The following PCNX4 variants were observed in gnomAD, a reference collection of about 807,000 sequenced individuals.
PCNX4 encodes the protein pecanex-like protein 4.
In PCNX4, 103 loss-of-function variants were observed where a neutral mutation model predicts 107.2. That is an observed-to-expected ratio of 0.96 (90% CI 0.82 to 1.13). The LOEUF is 1.13. Ranked by LOEUF, PCNX4 falls within the 50% of genes most tolerant of loss-of-function variation. The pLI is 0.00. For missense variants in PCNX4, 1,528 were observed against 1,379.4 expected, an observed-to-expected ratio of 1.11 and a Z score of -1.71; for synonymous variants, 541 against 481.7, an observed-to-expected ratio of 1.12 and a Z score of -1.61.
At position 60,108,146 on chromosome 14, in the gene PCNX4, A is replaced by G. The variant is rs1156946583; in HGVS notation, c.508A>G (p.Thr170Ala). 7 of 1,612,774 alleles carry G rather than the reference A, an allele frequency of 4.3e-6. No individual in the cohort carries two copies. The highest frequency in any genetic ancestry group is 5.9e-6 in the Non-Finnish European group (7 of 1,179,876). Residue 170 changes from threonine (T) to alanine (A), a missense_variant, in exon 2 of 11, where the codon ACA becomes GCA. By Grantham distance (58) the Thr-to-Ala change is moderately conservative. Transcript: ENST00000406854. The part of the protein sequence containing the change: ...PNRITLLYGS[T>A]GGTALLFFFG... Reference sequence around the variant, plus strand: ...TAGAATAACCTTGCTGTATGGCAGTACAGGAGGCACTGCTCTACTATTCTT... The same window carrying G: ...TAGAATAACCTTGCTGTATGGCAGTGCAGGAGGCACTGCTCTACTATTCTT...
chr14:60,098,049 C>A (rs1895459429), intron 1 of PCNX4, among the ~76,000 whole-genome samples: 1 of 152,152 alleles, frequency 6.6e-6, no homozygotes, highest in Non-Finnish European at 1.5e-5. Flanking sequence ...TCAAAACCCA[C>A]CAAAATCCAA....
At chr14:60,094,197 C>T (rs549350443) in intron 1 of PCNX4, among the ~76,000 whole-genome samples, 1 of 152,148 alleles carries the variant, frequency 6.6e-6, no homozygotes, top group East Asian at 1.9e-4. Context: ...AACAGTTTCT[C>T]ACTTGTCTTG....
Position 60,134,170 on chromosome 14 carries a change from C to T in PCNX4, c.3468C>T (p.Pro1156=). ...RNLTVQAAEP[P]LGYPIYSSKP... ...TTACGGTACAAGCAGCAGAACCTCC[C>T]CTGGGATATCCGATTTATTCTTCAA... The change falls in exon 11 of 11, where the codon CCC becomes CCT. Residue 1156 remains proline, a synonymous_variant. Transcript: ENST00000406854. 1 of 1,613,646 alleles carries T rather than the reference C, an allele frequency of 6.2e-7. No homozygotes were observed. Among genetic ancestry groups the T allele is most frequent in the Non-Finnish European group, 8.5e-7 (1 of 1,179,638 alleles).
In PCNX4 at chr14:60,118,505, A is replaced by G. The variant is rs1219151875; in HGVS notation, c.1755A>G (p.Leu585=). Reference sequence around the variant, plus strand: ...TGGTCATCATAGTTTTTTCTACACTACTCTCTTCTCCCTTACTCCCTCTTT... The same window carrying G: ...TGGTCATCATAGTTTTTTCTACACTGCTCTCTTCTCCCTTACTCCCTCTTT... The part of the protein sequence containing the change: ...FVLVIIVFST[L]LSSPLLPLFT... The change falls in exon 7 of 11, where the codon CTA becomes CTG. Residue 585 remains leucine (L), a synonymous_variant. Coordinates refer to ENST00000406854, the MANE Select transcript of PCNX4 (RefSeq NM_001330177.2). 6.2e-7 allele frequency: 1 copy of G among 1,611,902 alleles called. No homozygotes were observed. Among genetic ancestry groups the G allele is most frequent in the East Asian group, 2.2e-5 (1 of 44,782 alleles).
chr14:60,109,658 C>G (rs962103502), intron 2 of PCNX4: 3 of 165,004 alleles, frequency 1.8e-5, no homozygotes, highest in African/African-American at 7.2e-5. Context: ...CCAGGCTGGT[C>G]CCAAAGTCCT....
rs775601710 is a variant in PCNX4, at chr14:60,133,898, A to G, written c.3268-72A>G. 433 of 1,419,780 alleles carry G rather than the reference A, an allele frequency of 3.0e-4. 3 individuals carry two copies. Among genetic ancestry groups the G allele is most frequent in the Non-Finnish European group, 6.3e-5 (67 of 1,058,834 alleles). The allele number at this position is 1,419,780 out of a possible 1,614,324, so 87.9% of individuals were successfully genotyped here. On this transcript the variant is annotated intron_variant, in intron 10 of 10. Coordinates refer to ENST00000406854, the MANE Select transcript of PCNX4 (RefSeq NM_001330177.2). Reference sequence around the variant, plus strand: ...TACAATGCAATTTTTCTCTAAGTTTATGAATAAAATATAAAGACCTAAATG... The same window carrying G: ...TACAATGCAATTTTTCTCTAAGTTTGTGAATAAAATATAAAGACCTAAATG...
At position 60,145,277 on chromosome 14, in the gene PCNX4, A is replaced by G. The variant is rs774443954; in HGVS notation, c.*11056A>G. The G allele has an allele frequency of 2.1e-5, 6 of 284,058 alleles. No homozygotes were observed. The highest frequency in any genetic ancestry group is 4.4e-5 in the African/African-American group (2 of 45,388). 17.6% of individuals were successfully genotyped at this position (284,058 alleles called of 1,614,324 possible). ...ATTGGACTGCAATGCTAAATTCTCT[A>G]TAATGACTTTTCTGGATCAGCATAT... On this transcript the variant is annotated 3_prime_UTR_variant, in exon 11 of 11. Transcript: ENST00000406854. This position sits in a 1 kb window ranked among gnomAD's most constrained non-coding sequence, Gnocchi z 4.0.
chr14:60,115,445 G>A lies in PCNX4; in HGVS notation c.1341G>A (p.Arg447=), dbSNP rs1895828610. ...TCATGAAGATTGGTATTGTCAGACGGATTTTGCTAACTTTAGGTAGGAAGA... is the reference window on the plus strand; with the variant it reads ...TCATGAAGATTGGTATTGTCAGACGAATTTTGCTAACTTTAGGTAGGAAGA... ...TRLMKIGIVR[R]ILLTLVSPFA... The change falls in exon 4 of 11, where the codon CGG becomes CGA. Residue 447 remains arginine, a synonymous_variant. Transcript: ENST00000406854. The A allele has an allele frequency of 6.6e-7, 1 of 1,525,842 alleles. No homozygotes were observed. Among genetic ancestry groups the A allele is most frequent in the Non-Finnish European group, 8.8e-7 (1 of 1,142,012 alleles). The allele number at this position is 1,525,842 out of a possible 1,614,324, so 94.5% of individuals were successfully genotyped here.
At chr14:60,100,703 A>C (rs1301166043) in intron 1 of PCNX4, among the ~76,000 whole-genome samples, 1 of 152,238 alleles carries the variant, frequency 6.6e-6, no homozygotes, top group Admixed American at 6.5e-5. Flanking sequence ...GGGCCTAGAG[A>C]GTCATGCCCT....
At chr14:60,119,276 A>G (rs1895910015) in intron 7 of PCNX4, among the ~76,000 whole-genome samples, 1 of 152,204 alleles carries the variant, frequency 6.6e-6, no homozygotes, top group Non-Finnish European at 1.5e-5. Context: ...AACTAATGTT[A>G]TGAGTTTTAA....
At chr14:60,101,088 G>A (rs1346715447) in intron 1 of PCNX4, among the ~76,000 whole-genome samples, 3 of 152,266 alleles carry the variant, frequency 2.0e-5, no homozygotes, top group South Asian at 4.1e-4. Flanking sequence ...TTTCTTTTCT[G>A]TTGATCCCAG....
chr14:60,097,881 C>G (rs1895455696), intron 1 of PCNX4, among the ~76,000 whole-genome samples: 1 of 152,200 alleles, frequency 6.6e-6, no homozygotes, highest in Non-Finnish European at 1.5e-5. Context: ...GCAGTCAATC[C>G]AAGACCCAAA....
chr14:60,131,373 A>T (rs1896151874), intron 10 of PCNX4, among the ~76,000 whole-genome samples: 1 of 152,232 alleles, frequency 6.6e-6, no homozygotes, highest in Non-Finnish European at 1.5e-5. Context: ...GATGGTTGCA[A>T]GATATAAGAT....
chr14:60,125,001 C>T lies in PCNX4; in HGVS notation c.2830C>T (p.Gln944Ter). Reference sequence around the variant, plus strand: ...AGACTGGTACCAATTTGTTCTAAGGCAGTTGGAATGTTATCATTCAGAAGA... The same window carrying T: ...AGACTGGTACCAATTTGTTCTAAGGTAGTTGGAATGTTATCATTCAGAAGA... The part of the protein sequence containing the change: ...PEDWYQFVLR[Q>*]LECYHSEEKA... Residue 944 changes from glutamine (Q) to a stop codon, truncating the protein, a stop_gained, in exon 9 of 11, where the codon CAG becomes TAG. Coordinates refer to ENST00000406854, the MANE Select transcript of PCNX4 (RefSeq NM_001330177.2). LOFTEE classifies it high-confidence loss of function. 1 of 1,613,728 alleles carries T rather than the reference C, an allele frequency of 6.2e-7. No homozygotes were observed. Among genetic ancestry groups the T allele is most frequent in the Non-Finnish European group, 8.5e-7 (1 of 1,179,738 alleles).
rs149838625 is a variant in PCNX4 at position 60,137,142 on chromosome 14, G to A, written c.*2921G>A. On this transcript the variant is annotated 3_prime_UTR_variant, in exon 11 of 11. Coordinates refer to ENST00000406854, the MANE Select transcript of PCNX4 (RefSeq NM_001330177.2). ...AGACAGTGAAGAATAACATCACTAA[G>A]ATCTAAGACAGAATGAAACTTAGAG... 3.1e-3 allele frequency: 473 copies of A among 152,316 alleles called. 2 individuals carry two copies. The highest frequency in any genetic ancestry group is 4.8e-3 in the Non-Finnish European group (327 of 68,024). 9.4% of individuals were successfully genotyped at this position (152,316 alleles called of 1,614,324 possible).
chr14:60,100,783 G>T (rs945250804), intron 1 of PCNX4, among the ~76,000 whole-genome samples: 11 of 151,994 alleles, frequency 7.2e-5, no homozygotes, highest in African/African-American at 2.7e-4. Context: ...ATCTGACTCT[G>T]GCATAACAAG....
chr14:60,147,952 C>T lies in PCNX4; in HGVS notation c.*13731C>T, dbSNP rs1896449424. On this transcript the variant is annotated 3_prime_UTR_variant, in exon 11 of 11. Coordinates refer to ENST00000406854, the MANE Select transcript of PCNX4 (RefSeq NM_001330177.2). ...AGGTATACTCTTTGATGAAACTCTA[C>T]CTTTAGAGCTTCTACCCACACTACC... 6.6e-6 allele frequency: 1 copy of T among 152,232 alleles called. No individual in the cohort carries two copies. The highest frequency in any genetic ancestry group is 1.5e-5 in the Non-Finnish European group (1 of 68,052). 9.4% of individuals were successfully genotyped at this position (152,232 alleles called of 1,614,324 possible).
intron 1 of PCNX4, among the ~76,000 whole-genome samples, chr14:60,093,560 G>A (rs972881629): frequency 5.3e-5 from 8 of 152,272 alleles, no homozygotes; most frequent in East Asian, 1.9e-4. Flanking sequence ...TAATTTCATT[G>A]TGTGGATATA....
chr14:60,137,918 T>C lies in PCNX4; in HGVS notation c.*3697T>C, dbSNP rs568361454. 1 of 151,146 alleles carries C rather than the reference T, an allele frequency of 6.6e-6. No individual in the cohort carries two copies. The highest frequency in any genetic ancestry group is 1.9e-4 in the East Asian group (1 of 5,144). 9.4% of individuals were successfully genotyped at this position (151,146 alleles called of 1,614,324 possible). On this transcript the variant is annotated 3_prime_UTR_variant, in exon 11 of 11. Coordinates refer to ENST00000406854, the MANE Select transcript of PCNX4 (RefSeq NM_001330177.2). Reference sequence around the variant, plus strand: ...TCCTGGCTAACACAATGAAACCCCATCTGTAGTAAAAATAAAAAAAAAAAT... The same window carrying C: ...TCCTGGCTAACACAATGAAACCCCACCTGTAGTAAAAATAAAAAAAAAAAT...
Sources: allele counts gnomAD v4.1 joint callset (sites outside exome capture counted in the v4.1 genomes callset), GRCh38; gene constraint gnomAD v4.1.1; non-coding constraint Gnocchi (gnomAD v3.1); transcripts MANE v1.5; gene names NCBI Gene and HGNC (gene_info 2026-07-23, HGNC 2026-07-21).